RASD1: variants seen among roughly 807,000 people sequenced by gnomAD.
The protein encoded by RASD1 is ras related dexamethasone induced 1.
A neutral mutation model predicts 16.7 loss-of-function variants in RASD1; 13 were observed. That is an observed-to-expected ratio of 0.78 (90% confidence interval 0.51 to 1.24). The LOEUF is 1.24. RASD1 is among the 50% of genes most tolerant of loss of function. The pLI is 0.00. For missense variants in RASD1, 397 were observed against 407.5 expected (o/e 0.97, Z 0.22); for synonymous variants, 170 against 172.6 (o/e 0.98, Z 0.12).
rs1427781627 is a variant in RASD1, at chr17:17,495,628, G to A, written c.343C>T (p.Gln115Ter). The A allele has an allele frequency of 5.0e-6, 8 of 1,612,838 alleles. No homozygotes were observed. The highest frequency in any genetic ancestry group is 6.8e-6 in the Non-Finnish European group (8 of 1,179,848). The change falls in exon 2 of 2, where the codon CAG becomes TAG. Residue 115 changes from glutamine (Q) to a stop codon, truncating the protein, a stop_gained. Transcript: ENST00000225688. LOFTEE classifies it high-confidence loss of function. ...TCGAGGATCTGCTGCCTGAGCCGCT[G>A]CACCTCCTCGAAGGAGTCGCGGTTG... ...LDNRDSFEEVQRLRQQILDTK... is the reference protein window; with the variant it reads ...LDNRDSFEEV
chr17:17,495,956 T>G lies in RASD1; in HGVS notation c.226A>C (p.Ile76Leu). 1.9e-6 allele frequency: 3 copies of G among 1,612,672 alleles called. No individual in the cohort carries two copies. Among genetic ancestry groups the G allele is most frequent in the Non-Finnish European group, 2.5e-6 (3 of 1,179,966 alleles). ...SIRGEVYQLD[I>L]LDTSGNHPFP... ...GGGTGGTTGCCGGACGTGTCGAGGA[T>G]GTCGAGCTGGTAGACCTCGCCGCGG... The change falls in exon 1 of 2, where the codon ATC becomes CTC. Residue 76 changes from isoleucine to leucine, a missense_variant. Transcript: ENST00000225688.
At position 17,495,422 on chromosome 17, in the gene RASD1, G is replaced by C; in HGVS notation, c.549C>G (p.Ser183Arg). The change falls in exon 2 of 2, where the codon AGC becomes AGG. Residue 183 changes from serine to arginine, a missense_variant. Coordinates refer to ENST00000225688, the MANE Select transcript of RASD1 (RefSeq NM_016084.5). ...AGAGCGCGCGGAACATCTGGTCCAG[G>C]CTGCTGTTCTTCTTGGCCGAGATCT... The part of the protein sequence containing the change: ...YFEISAKKNS[S>R]LDQMFRALFA... 6.2e-7 allele frequency: 1 copy of C among 1,606,882 alleles called. No homozygotes were observed. The highest frequency in any genetic ancestry group is 1.3e-5 in the African/African-American group (1 of 74,956).
chr17:17,495,640 A>C lies in RASD1; in HGVS notation c.331T>G (p.Phe111Val). Residue 111 changes from phenylalanine to valine, a missense_variant, in exon 2 of 2, where the codon TTC becomes GTC. Transcript: ENST00000225688. ...LVFSLDNRDS[F>V]EEVQRLRQQI... ...TGCCTGAGCCGCTGCACCTCCTCGA[A>C]GGAGTCGCGGTTGTCCAGACTGAAC... 1 of 1,612,896 alleles carries C rather than the reference A, an allele frequency of 6.2e-7. No homozygotes were observed. Among genetic ancestry groups the C allele is most frequent in the South Asian group, 1.1e-5 (1 of 90,998 alleles).
At chr17:17,495,792 G>T (rs1439905634) in intron 1 of RASD1, 104 bp downstream of exon 1, 2 of 1,447,532 alleles carry the variant, frequency 1.4e-6, no homozygotes, top group Non-Finnish European at 1.8e-6. Context: ...CTCTAAGCGC[G>T]AAGCGCACTA....
chr17:17,495,736 G>C, intron 1 of RASD1, 52 bp from the exon 2 acceptor site: 4 of 1,516,204 alleles, frequency 2.6e-6, no homozygotes, highest in Non-Finnish European at 2.6e-6. Flanking sequence ...GGCCGCCCAG[G>C]GGACAAGTCG....
chr17:17,496,288 G>T lies in RASD1; in HGVS notation c.-107C>A. ...GTGAGCGGCTGGAGGGCTCTGCTCG[G>T]GCTGGGCGCGGCTCGGGCTTGGGGC... On this transcript the variant is annotated 5_prime_UTR_variant, in exon 1 of 2. Coordinates refer to ENST00000225688, the MANE Select transcript of RASD1 (RefSeq NM_016084.5). 8.0e-7 allele frequency: 1 copy of T among 1,244,050 alleles called. No individual in the cohort carries two copies. Among genetic ancestry groups the T allele is most frequent in the Non-Finnish European group, 1.1e-6 (1 of 924,604 alleles). The allele number at this position is 1,244,050 out of a possible 1,614,324, so 77.1% of individuals were successfully genotyped here.
Position 17,496,296 on chromosome 17 carries a change from GCGGCTCGGGCTTGGGGCTC to G in RASD1, c.-134_-116del. 2 of 1,190,846 alleles carry G rather than the reference GCGGCTCGGGCTTGGGGCTC, an allele frequency of 1.7e-6. No individual in the cohort carries two copies. Among genetic ancestry groups the G allele is most frequent in the Non-Finnish European group, 2.3e-6 (2 of 878,046 alleles). The allele number at this position is 1,190,846 out of a possible 1,614,324, so 73.8% of individuals were successfully genotyped here. A position where few individuals can be genotyped will look rare whatever the true frequency, so the allele number is the denominator to read the frequency against. ...CTGGAGGGCTCTGCTCGGGCTGGGC[GCGGCTCGGGCTTGGGGCTC>G]CGGCTCCGCTCGGGCTGGGCTCGGG... On this transcript the variant is annotated 5_prime_UTR_variant, in exon 1 of 2. Transcript: ENST00000225688.
rs1905373225 is a variant in RASD1 at position 17,495,156 on chromosome 17, G to C, written c.815C>G (p.Ala272Gly). Residue 272 changes from alanine to glycine, a missense_variant, in exon 2 of 2, where the codon GCC becomes GGC. By Grantham distance (60) the Ala-to-Gly change is moderately conservative. Transcript: ENST00000225688. ...GATGACGCAGCGCTCCTTGTCCTTG[G>C]CCTGGCTGCCGGCGCTGGCCTTCTC... ...IREKASAGSQ[A>G]KDKERCVIS 1.9e-6 allele frequency: 3 copies of C among 1,611,720 alleles called. No homozygotes were observed. Among genetic ancestry groups the C allele is most frequent in the Non-Finnish European group, 2.5e-6 (3 of 1,179,704 alleles).
At position 17,494,905 on chromosome 17, in the gene RASD1, C is replaced by A; in HGVS notation, c.*220G>T. 1 of 628,218 alleles carries A rather than the reference C, an allele frequency of 1.6e-6. No individual in the cohort carries two copies. The highest frequency in any genetic ancestry group is 2.6e-6 in the Non-Finnish European group (1 of 378,256). 38.9% of individuals were successfully genotyped at this position (628,218 alleles called of 1,614,324 possible). ...GGGGTGGCGGGCCTCAATGGGGGAC[C>A]GGGGGTGGGGAATAGTCCCAGTCTT... On this transcript the variant is annotated 3_prime_UTR_variant, in exon 2 of 2. Coordinates refer to ENST00000225688, the MANE Select transcript of RASD1 (RefSeq NM_016084.5).
chr17:17,496,240 G>A lies in RASD1; in HGVS notation c.-59C>T. 1 of 1,486,082 alleles carries A rather than the reference G, an allele frequency of 6.7e-7. No homozygotes were observed. The allele number at this position is 1,486,082 out of a possible 1,614,324, so 92.1% of individuals were successfully genotyped here. On this transcript the variant is annotated 5_prime_UTR_variant, in exon 1 of 2. Transcript: ENST00000225688. ...CGAGAGAAGGGCAGAGAGCGGCTGA[G>A]GGTCGCTGGGGTGGCACGCGGGGTG...
In RASD1 at chr17:17,495,942, G is replaced by C; in HGVS notation, c.240C>G (p.Ser80=). Residue 80 remains serine, a synonymous_variant, in exon 1 of 2, where the codon TCC becomes TCG. Transcript: ENST00000225688. ...GCATGGCGGGGAACGGGTGGTTGCC[G>C]GACGTGTCGAGGATGTCGAGCTGGT... ...EVYQLDILDT[S]GNHPFPAMRR... The C allele has an allele frequency of 1.9e-6, 3 of 1,611,702 alleles. No homozygotes were observed. The highest frequency in any genetic ancestry group is 2.5e-6 in the Non-Finnish European group (3 of 1,179,942).
chr17:17,495,654 T>A lies in RASD1; in HGVS notation c.317A>T (p.Asp106Val). Reference protein sequence around the residue: ...GDVFILVFSLDNRDSFEEVQR... With the variant: ...GDVFILVFSLVNRDSFEEVQR... ...CACCTCCTCGAAGGAGTCGCGGTTG[T>A]CCAGACTGAACACCAGGATGAAAAC... is the stretch of plus-strand genomic sequence containing the variant. The change falls in exon 2 of 2, where the codon GAC (aspartate) becomes GTC (valine). Residue 106 changes from aspartate to valine, a missense_variant. By Grantham distance (152) the Asp-to-Val change is radical. Coordinates refer to ENST00000225688, the MANE Select transcript of RASD1 (RefSeq NM_016084.5). 6.2e-7 allele frequency: 1 copy of A among 1,612,344 alleles called. No homozygotes were observed. The highest frequency in any genetic ancestry group is 8.5e-7 in the Non-Finnish European group (1 of 1,179,514).
chr17:17,495,121 G>T lies in RASD1; in HGVS notation c.*4C>A, dbSNP rs775483781. ...TAGGTTGTGTCGCCAGCGCGGCGGG[G>T]CTCCTAGCTGATGACGCAGCGCTCC... is the stretch of plus-strand genomic sequence containing the variant. On this transcript the variant is annotated 3_prime_UTR_variant, in exon 2 of 2. Transcript: ENST00000225688. 1 of 1,610,392 alleles carries T rather than the reference G, an allele frequency of 6.2e-7. No individual in the cohort carries two copies. Among genetic ancestry groups the T allele is most frequent in the East Asian group, 2.2e-5 (1 of 44,838 alleles).
In RASD1 at chr17:17,496,168, G is replaced by C; in HGVS notation, c.14C>G (p.Ala5Gly). 1 of 1,604,676 alleles carries C rather than the reference G, an allele frequency of 6.2e-7. No homozygotes were observed. The highest frequency in any genetic ancestry group is 8.5e-7 in the Non-Finnish European group (1 of 1,173,714). The change falls in exon 1 of 2, where the codon GCG (alanine) becomes GGG (glycine). Residue 5 changes from alanine (A) to glycine (G), a missense_variant. Physicochemically the swap from Ala to Gly is moderately conservative, Grantham distance 60. Coordinates refer to ENST00000225688, the MANE Select transcript of RASD1 (RefSeq NM_016084.5). ...GCTCGGGCACATCTTCTTGATCATC[G>C]CGGCCAGTTTCATTGGGCAGAGGGG... The part of the protein sequence containing the change: MKLA[A>G]MIKKMCPSDS...
chr17:17,495,365 G>C lies in RASD1; in HGVS notation c.606C>G (p.Ser202Arg), dbSNP rs766680729. 2.0e-5 allele frequency: 32 copies of C among 1,587,398 alleles called. No individual in the cohort carries two copies. The highest frequency in any genetic ancestry group is 3.3e-4 in the Middle Eastern group (2 of 6,032). The change falls in exon 2 of 2, where the codon AGC becomes AGG. Residue 202 changes from serine to arginine, a missense_variant. By Grantham distance (110) the Ser-to-Arg change is moderately radical. Transcript: ENST00000225688. ...FAMAKLPSEM[S>R]PDLHRKVSVQ... ...CCGAGACCTTGCGGTGCAGGTCTGGGCTCATCTCGCTGGGCAGCTTGGCCA... is the reference window on the plus strand; with the variant it reads ...CCGAGACCTTGCGGTGCAGGTCTGGCCTCATCTCGCTGGGCAGCTTGGCCA...
intron 1 of RASD1, 70 bp from the exon 2 acceptor site, chr17:17,495,754 T>A: frequency 6.7e-7 from 1 of 1,487,540 alleles, no homozygotes; most frequent in Non-Finnish European, 8.9e-7. Context: ...TCGGGCTGAC[T>A]TTGAGGCCGC....
rs1905443179 is a variant in RASD1 at position 17,496,332 on chromosome 17, G to A, written c.-151C>T. 1 of 816,586 alleles carries A rather than the reference G, an allele frequency of 1.2e-6. No homozygotes were observed. Among genetic ancestry groups the A allele is most frequent in the Non-Finnish European group, 1.8e-6 (1 of 551,492 alleles). 50.6% of individuals were successfully genotyped at this position (816,586 alleles called of 1,614,324 possible). A position where few individuals can be genotyped will look rare whatever the true frequency, so the allele number is the denominator to read the frequency against. Reference sequence around the variant, plus strand: ...TTGGGGCTCCGGCTCCGCTCGGGCTGGGCTCGGGCTAGGCTGGGCTCGGCT... The same window carrying A: ...TTGGGGCTCCGGCTCCGCTCGGGCTAGGCTCGGGCTAGGCTGGGCTCGGCT... On this transcript the variant is annotated 5_prime_UTR_variant, in exon 1 of 2. Coordinates refer to ENST00000225688, the MANE Select transcript of RASD1 (RefSeq NM_016084.5).
chr17:17,496,262 G>A lies in RASD1; in HGVS notation c.-81C>T. On this transcript the variant is annotated 5_prime_UTR_variant, in exon 1 of 2. Transcript: ENST00000225688. Reference sequence around the variant, plus strand: ...TGAGGGTCGCTGGGGTGGCACGCGGGGTGAGCGGCTGGAGGGCTCTGCTCG... The same window carrying A: ...TGAGGGTCGCTGGGGTGGCACGCGGAGTGAGCGGCTGGAGGGCTCTGCTCG... 2.1e-6 allele frequency: 3 copies of A among 1,434,854 alleles called. No individual in the cohort carries two copies. The highest frequency in any genetic ancestry group is 2.8e-6 in the Non-Finnish European group (3 of 1,075,182). 88.9% of individuals were successfully genotyped at this position (1,434,854 alleles called of 1,614,324 possible). A position where few individuals can be genotyped will look rare whatever the true frequency, so the allele number is the denominator to read the frequency against.
Position 17,495,294 on chromosome 17 carries a change from T to A in RASD1, c.677A>T (p.Lys226Met). The A allele has an allele frequency of 6.4e-7, 1 of 1,557,678 alleles. No individual in the cohort carries two copies. The highest frequency in any genetic ancestry group is 1.9e-5 in the Admixed American group (1 of 51,420). Residue 226 changes from lysine (K) to methionine (M), a missense_variant, in exon 2 of 2, where the codon AAG (lysine) becomes ATG (methionine). Coordinates refer to ENST00000225688, the MANE Select transcript of RASD1 (RefSeq NM_016084.5). ...VLHKKALRNKKLLRAGSGGGG... is the reference protein window; with the variant it reads ...VLHKKALRNKMLLRAGSGGGG... ...GCCGCCGCTGCCGGCCCGCAGCAGCTTCTTGTTCCGCAGCGCCTTCTTGTG... is the reference window on the plus strand; with the variant it reads ...GCCGCCGCTGCCGGCCCGCAGCAGCATCTTGTTCCGCAGCGCCTTCTTGTG...
Sources: gnomAD v4.1 joint callset for allele counts on GRCh38, gnomAD v4.1.1 for gene constraint, MANE v1.5 for transcripts, NCBI Gene and HGNC (gene_info 2026-07-23, HGNC 2026-07-21) for gene names.